KMT2E: variants seen among roughly 807,000 people sequenced by gnomAD.
KMT2E encodes the protein lysine methyltransferase 2E (inactive).
A neutral mutation model predicts 184.6 loss-of-function variants in KMT2E; 30 were observed. That is an observed-to-expected ratio of 0.16 (90% CI 0.12 to 0.22). The LOEUF (loss-of-function observed/expected upper bound fraction) is 0.22. Among genes scored for constraint, KMT2E ranks in the 10% least tolerant of loss-of-function variants. KMT2E has a pLI of 1.00. For synonymous variants in KMT2E, 815 were observed against 776.5 expected (o/e 1.05, Z -0.82); for missense variants, 2,023 against 2,237.4 (o/e 0.90, Z 1.93).
intron 6 of KMT2E, among the ~76,000 whole-genome samples, chr7:105,071,525 CCTG>C (rs1388036322): frequency 7.1e-6 from 1 of 140,218 alleles, no homozygotes; most frequent in East Asian, 2.1e-4. Flanking sequence ...GCCACCACAC[CCTG>C]CTAATTTGTG....
intron 3 of KMT2E, among the ~76,000 whole-genome samples, chr7:105,050,711 T>TTCTGTCTG (rs761194692): frequency 6.6e-6 from 1 of 151,206 alleles, no homozygotes; most frequent in Non-Finnish European, 1.5e-5. Context: ...TTCTCTCTCT[T>TTCTGTCTG]TCTGTCTGTC....
intron 13 of KMT2E, among the ~76,000 whole-genome samples, chr7:105,084,123 A>T (rs1797869641): frequency 6.6e-6 from 1 of 152,156 alleles, no homozygotes; most frequent in South Asian, 2.1e-4. Context: ...ATGGCTCCAC[A>T]AATTTCCTTT....
Position 105,114,137 on chromosome 7 carries a change from A to C in KMT2E, c.*804A>C, listed in dbSNP as rs1799485056. ...ATCGGGATCTGTGTGTTTCTACAGA[A>C]GTTCTAGTTTTCAAATATAGATTGT... is the stretch of plus-strand genomic sequence containing the variant. On this transcript the variant is annotated 3_prime_UTR_variant, in exon 27 of 27. Coordinates refer to ENST00000311117, the MANE Select transcript of KMT2E (RefSeq NM_182931.3). 1 of 152,446 alleles carries C rather than the reference A, an allele frequency of 6.6e-6. No homozygotes were observed. Among genetic ancestry groups the C allele is most frequent in the African/African-American group, 2.4e-5 (1 of 41,444 alleles). The allele number at this position is 152,446 out of a possible 1,614,324, so 9.4% of individuals were successfully genotyped here. A position where few individuals can be genotyped will look rare whatever the true frequency, so the allele number is the denominator to read the frequency against.
chr7:105,091,546 T>G (rs1301962087), intron 15 of KMT2E: 1 of 573,712 alleles, frequency 1.7e-6, no homozygotes, highest in East Asian at 2.9e-5. Flanking sequence ...AATATGAACA[T>G]TTTGGAAGTA....
chr7:105,101,373 T>G, intron 15 of KMT2E, 52 bp from the exon 16 acceptor site: 1 of 1,269,418 alleles, frequency 7.9e-7, no homozygotes, highest in Non-Finnish European at 1.1e-6. Context: ...GGACTTAATT[T>G]TACTTTTGAG....
intron 12 of KMT2E, among the ~76,000 whole-genome samples, chr7:105,080,385 T>G (rs1445003662): frequency 2.6e-5 from 4 of 151,438 alleles, no homozygotes; most frequent in Non-Finnish European, 5.9e-5. Flanking sequence ...AGAATGTAGG[T>G]GTTTTTTTTT....
chr7:105,015,276 GAC>G (rs1214264802), intron 1 of KMT2E, among the ~76,000 whole-genome samples: 1 of 152,164 alleles, frequency 6.6e-6, no homozygotes, highest in African/African-American at 2.4e-5. Context: ...TATGGCAGCA[GAC>G]ACAGATGAGA....
rs1798671128 is a variant in KMT2E at position 105,101,887 on chromosome 7, A to G, written c.1889A>G (p.Glu630Gly). ...CCATTCGCTTGTATTTTGAATTAGG[A>G]ACAAGCAAAAGAAGAAAATGCTAGC... Reference protein sequence around the residue: ...QIVSDAEVIQEQAKEENASKP... With the variant: ...QIVSDAEVIQGQAKEENASKP... The change falls in exon 17 of 27, where the codon GAA becomes GGA. Residue 630 changes from glutamate to glycine, a missense_variant and splice_region_variant. This residue lies in a region of KMT2E where 514 missense variants were observed against 621.8 expected (regional missense o/e 0.83). Transcript: ENST00000311117. 1 of 1,605,332 alleles carries G rather than the reference A, an allele frequency of 6.2e-7. No individual in the cohort carries two copies. Among genetic ancestry groups the G allele is most frequent in the Non-Finnish European group, 8.5e-7 (1 of 1,177,006 alleles).
At chr7:105,111,011 A>T in intron 26 of KMT2E, 143 bp downstream of exon 26, 1 of 632,516 alleles carries the variant, frequency 1.6e-6, no homozygotes. Context: ...GAAATACTCA[A>T]TTGTGTTTAC....
chr7:105,099,305 A>AAACCTGCAT, intron 15 of KMT2E, among the ~76,000 whole-genome samples: 1 of 152,196 alleles, frequency 6.6e-6, no homozygotes, highest in Non-Finnish European at 1.5e-5. Context: ...AGAAACCAGG[A>AAACCTGCAT]AACCTGCATA....
chr7:105,049,567 T>G (rs1037222705), intron 3 of KMT2E, among the ~76,000 whole-genome samples: 2 of 152,014 alleles, frequency 1.3e-5, no homozygotes, highest in African/African-American at 4.8e-5. Flanking sequence ...AATTTTGTAT[T>G]TATATTCAAA....
chr7:105,089,909 A>G lies in KMT2E; in HGVS notation c.1359-100A>G, dbSNP rs894781880. ...AAAGGATTGCTTATAATTAATAGTA[A>G]TTGCATACAATTTTGTGGAGTTGCA... On this transcript the variant is annotated intron_variant, in intron 13 of 26. Transcript: ENST00000311117. 3.3e-6 allele frequency: 5 copies of G among 1,513,838 alleles called. No individual in the cohort carries two copies. In the African/African-American group the frequency reaches 7.1e-5, roughly 22 times the overall value. 93.8% of individuals were successfully genotyped at this position (1,513,838 alleles called of 1,614,324 possible). A position where few individuals can be genotyped will look rare whatever the true frequency, so the allele number is the denominator to read the frequency against.
chr7:105,036,642 A>G (rs1305588506), intron 1 of KMT2E, among the ~76,000 whole-genome samples: 2 of 152,204 alleles, frequency 1.3e-5, no homozygotes, highest in East Asian at 3.8e-4. Context: ...CTTATTGTGG[A>G]GATTAAGCAT....
rs1245155286 is a variant in KMT2E at position 105,114,706 on chromosome 7, A to G, written c.*1373A>G. ...CAAATTCTGTGCATCAGAGAAAGTA[A>G]ACACTAAAATGACTGCGTGACCTCA... On this transcript the variant is annotated 3_prime_UTR_variant, in exon 27 of 27. Transcript: ENST00000311117. Among the ~76,000 whole-genome samples the G allele has an allele frequency of 6.6e-6, 1 of 152,198 alleles. No homozygotes were observed.
intron 1 of KMT2E, among the ~76,000 whole-genome samples, chr7:105,028,625 C>T (rs1795270449): frequency 6.6e-6 from 1 of 152,028 alleles, no homozygotes; most frequent in Non-Finnish European, 1.5e-5. Flanking sequence ...CCTAGCTTAC[C>T]TCAGGTGTTC....
intron 11 of KMT2E, among the ~76,000 whole-genome samples, chr7:105,078,518 T>C (rs2129568182): frequency 6.6e-6 from 1 of 152,212 alleles, no homozygotes; most frequent in Non-Finnish European, 1.5e-5. Flanking sequence ...TGTTTGTTTG[T>C]TTGTTTTTGA....
At chr7:105,027,006 A>T (rs1429935180) in intron 1 of KMT2E, among the ~76,000 whole-genome samples, 1 of 150,542 alleles carries the variant, frequency 6.6e-6, no homozygotes, top group Non-Finnish European at 1.5e-5. Flanking sequence ...TGAGTGACTG[A>T]TGAGCTCACT....
chr7:105,037,918 C>G (rs1206226498), intron 1 of KMT2E, among the ~76,000 whole-genome samples: 1 of 151,622 alleles, frequency 6.6e-6, no homozygotes, highest in Non-Finnish European at 1.5e-5. Context: ...GTTTCTTTTT[C>G]CAGTTTGATT....
Position 105,106,215 on chromosome 7 carries a change from C to T in KMT2E, c.2596+212C>T, listed in dbSNP as rs753121630. 1.2e-4 allele frequency among the ~76,000 whole-genome samples: 19 copies of T among 152,166 alleles called. 1 individual carries two copies. The highest frequency in any genetic ancestry group is 2.6e-4 in the Non-Finnish European group (18 of 68,032). ...GGGGTTTATGAATATTTAAAGGCTT[C>T]TGGACTGGCTGCTTTTCAGACAGAC... On this transcript the variant is annotated intron_variant, in intron 19 of 26. Coordinates refer to ENST00000311117, the MANE Select transcript of KMT2E (RefSeq NM_182931.3).
Sources: allele counts gnomAD v4.1 joint callset (sites outside exome capture counted in the v4.1 genomes callset), GRCh38; gene constraint gnomAD v4.1.1; regional missense constraint gnomAD v4.1.1; transcripts MANE v1.5; gene names NCBI Gene and HGNC (gene_info 2026-07-23, HGNC 2026-07-21).